ASIC2: variants seen among roughly 807,000 people sequenced by gnomAD.
ASIC2 encodes acid-sensing ion channel 2.
In ASIC2, 25 loss-of-function variants were observed where a neutral mutation model predicts 57.3. The ratio of observed to expected loss-of-function variants is 0.44; its 90% CI spans 0.32 to 0.61. The LOEUF (loss-of-function observed/expected upper bound fraction) is 0.61, where lower values mean the gene tolerates loss of function less well. Ranked by LOEUF, ASIC2 falls within the 20% of genes least tolerant of loss-of-function variation. The pLI, the probability that ASIC2 is intolerant of heterozygous loss-of-function variation, is 0.06. For missense variants in ASIC2, 641 were observed against 738.1 expected (o/e 0.87, Z 1.52); for synonymous variants, 319 against 307.5 (o/e 1.04, Z -0.39).
chr17:33,216,033 C>G (rs1219445666), intron 1 of ASIC2, among the ~76,000 whole-genome samples: 1 of 152,166 alleles, frequency 6.6e-6, no homozygotes, highest in Admixed American at 6.5e-5. Flanking sequence ...AAAATAATGT[C>G]CCTTCAAATA....
At chr17:33,112,895 C>G (rs892211790) in intron 1 of ASIC2, 2 of 151,666 alleles carry the variant, frequency 1.3e-5, no homozygotes, top group African/African-American at 4.8e-5. Context: ...TCCCTACGCT[C>G]TTTAGGCTAG....
At chr17:33,919,570 T>A (rs1354454044) in intron 1 of ASIC2, among the ~76,000 whole-genome samples, 1 of 152,194 alleles carries the variant, frequency 6.6e-6, no homozygotes, top group Non-Finnish European at 1.5e-5. Context: ...AAAAAAATCC[T>A]AGAAGAAAAC....
At chr17:33,203,591 C>T (rs749807665) in intron 1 of ASIC2, among the ~76,000 whole-genome samples, 6 of 152,176 alleles carry the variant, frequency 3.9e-5, no homozygotes, top group East Asian at 1.9e-4. Context: ...TCAACTGAGG[C>T]GAGATGCTAA....
At chr17:34,105,108 A>G (rs2142104186) in intron 1 of ASIC2, among the ~76,000 whole-genome samples, 1 of 151,978 alleles carries the variant, frequency 6.6e-6, no homozygotes, top group East Asian at 1.9e-4. Flanking sequence ...TAAAAATTCA[A>G]TTTTTTTCAT....
intron 1 of ASIC2, among the ~76,000 whole-genome samples, chr17:33,118,656 T>G (rs1188342077): frequency 1.3e-5 from 2 of 152,076 alleles, no homozygotes; most frequent in Non-Finnish European, 2.9e-5. Context: ...AATCTTCGCC[T>G]CCAAACTTCT....
chr17:34,058,266 G>T (rs1158695779), intron 1 of ASIC2, among the ~76,000 whole-genome samples: 1 of 152,186 alleles, frequency 6.6e-6, no homozygotes, highest in Non-Finnish European at 1.5e-5. Context: ...TTCTTTGAGG[G>T]TTCAATGATA....
intron 3 of ASIC2, among the ~76,000 whole-genome samples, chr17:33,043,463 T>C (rs1025694819): frequency 3.3e-5 from 5 of 152,216 alleles, no homozygotes; most frequent in African/African-American, 4.8e-5. Flanking sequence ...GTGGGTGCTC[T>C]ATAAGGCAAA....
intron 1 of ASIC2, among the ~76,000 whole-genome samples, chr17:33,805,513 A>T (rs1165626414): frequency 2.0e-5 from 3 of 152,200 alleles, no homozygotes; most frequent in Non-Finnish European, 4.4e-5. Flanking sequence ...GATCCCAGAA[A>T]ATGTGAGGAG....
At chr17:33,448,860 G>A (rs1440545750) in intron 1 of ASIC2, among the ~76,000 whole-genome samples, 1 of 152,194 alleles carries the variant, frequency 6.6e-6, no homozygotes, top group African/African-American at 2.4e-5. Flanking sequence ...TGCGATAAAT[G>A]GTTATTGAAT....
At chr17:34,025,722 G>C (rs1907352417) in intron 1 of ASIC2, among the ~76,000 whole-genome samples, 1 of 152,124 alleles carries the variant, frequency 6.6e-6, no homozygotes, top group African/African-American at 2.4e-5. Flanking sequence ...TTTAGCCATG[G>C]GGCCTTGAGC....
intron 1 of ASIC2, among the ~76,000 whole-genome samples, chr17:33,589,763 C>T (rs1443631731): frequency 6.6e-6 from 1 of 152,140 alleles, no homozygotes; most frequent in Admixed American, 6.5e-5. Flanking sequence ...TTTGTTTAGC[C>T]ATTCAACTGT....
chr17:34,013,218 T>C (rs1462790908), intron 1 of ASIC2, among the ~76,000 whole-genome samples: 4 of 152,154 alleles, frequency 2.6e-5, no homozygotes, highest in East Asian at 1.9e-4. Context: ...GGAGTCTCCA[T>C]GTCAACAGGG....
At chr17:33,760,910 T>C (rs146061719) in intron 1 of ASIC2, among the ~76,000 whole-genome samples, 354 of 152,334 alleles carry the variant, frequency 2.3e-3, no homozygotes, top group African/African-American at 8.0e-3. Context: ...GTGAAATGCA[T>C]GTATTAAACC....
At chr17:33,216,966 T>C (rs1907514017) in intron 1 of ASIC2, among the ~76,000 whole-genome samples, 1 of 152,068 alleles carries the variant, frequency 6.6e-6, no homozygotes, top group Non-Finnish European at 1.5e-5. Context: ...ATTTAGGTGG[T>C]AAATCAGTAG....
chr17:33,436,256 C>T (rs1911603623), intron 1 of ASIC2, among the ~76,000 whole-genome samples: 1 of 152,196 alleles, frequency 6.6e-6, no homozygotes, highest in Non-Finnish European at 1.5e-5. Flanking sequence ...TAATGAAAGG[C>T]CACAGGCTTA....
chr17:33,837,761 T>C (rs1316443378), intron 1 of ASIC2, among the ~76,000 whole-genome samples: 1 of 152,188 alleles, frequency 6.6e-6, no homozygotes, highest in Non-Finnish European at 1.5e-5. Flanking sequence ...TCACCCTGTT[T>C]AACTACACTC....
At chr17:34,010,291 T>C (rs879855628) in intron 1 of ASIC2, among the ~76,000 whole-genome samples, 1 of 152,248 alleles carries the variant, frequency 6.6e-6, no homozygotes, top group Non-Finnish European at 1.5e-5. Flanking sequence ...ACAATTTTGA[T>C]ATAACCCAAA....
intron 3 of ASIC2, among the ~76,000 whole-genome samples, chr17:33,080,535 G>GT (rs555636155): frequency 2.5e-4 from 38 of 151,284 alleles, no homozygotes; most frequent in Admixed American, 1.8e-3. Context: ...TATGTATCAT[G>GT]TTTTTTTTTC....
chr17:33,748,479 G>A (rs1910331360), intron 1 of ASIC2, among the ~76,000 whole-genome samples: 1 of 152,224 alleles, frequency 6.6e-6, no homozygotes, highest in Non-Finnish European at 1.5e-5. Context: ...GAAGTCCTGA[G>A]AAATAATGGT....
Sources: allele counts gnomAD v4.1 joint callset (sites outside exome capture counted in the v4.1 genomes callset), GRCh38; gene constraint gnomAD v4.1.1; transcripts MANE v1.5; gene names NCBI Gene and HGNC (gene_info 2026-07-23, HGNC 2026-07-21).